CADPS2: variants seen among roughly 807,000 people sequenced by gnomAD.
The protein encoded by CADPS2 is calcium-dependent secretion activator 2.
A neutral mutation model predicts 172.5 loss-of-function variants in CADPS2; 93 were observed. The ratio of observed to expected loss-of-function variants is 0.54; its 90% CI spans 0.46 to 0.64. The LOEUF (loss-of-function observed/expected upper bound fraction) is 0.64. CADPS2 is among the 30% of genes least tolerant of loss of function. CADPS2 has a pLI of 0.00. For synonymous variants in CADPS2, 546 were observed against 555.2 expected (o/e 0.98, Z 0.23); for missense variants, 1,420 against 1,565.9 (o/e 0.91, Z 1.57).
chr7:122,814,707 C>CT (rs1389530096), intron 1 of CADPS2, among the ~76,000 whole-genome samples: 1 of 152,038 alleles, frequency 6.6e-6, no homozygotes. Context: ...CCATGTGGCC[C>CT]TTTACAAAAA....
intron 1 of CADPS2, among the ~76,000 whole-genome samples, chr7:122,763,057 G>C (rs2093441235): frequency 6.6e-6 from 1 of 152,076 alleles, no homozygotes; most frequent in African/African-American, 2.4e-5. Context: ...TCTTGGATAT[G>C]ATCAACTTTG....
In CADPS2 at chr7:122,319,506, T is replaced by C. The variant is rs1325435681; in HGVS notation, c.*659A>G. 6.6e-6 allele frequency: 1 copy of C among 152,150 alleles called. No homozygotes were observed. The highest frequency in any genetic ancestry group is 1.5e-5 in the Non-Finnish European group (1 of 68,034). The allele number at this position is 152,150 out of a possible 1,614,324, so 9.4% of individuals were successfully genotyped here. ...CCCCACACCTGGGGATTACTTATAG[T>C]TGAAAGAAGAAATGTTGAGAATGGA... is the stretch of plus-strand genomic sequence containing the variant. On this transcript the variant is annotated 3_prime_UTR_variant, in exon 30 of 30. Coordinates refer to ENST00000449022, the MANE Select transcript of CADPS2 (RefSeq NM_017954.11).
rs531049817 is a variant in CADPS2 at position 122,441,524 on chromosome 7, T to C, written c.2340A>G (p.Ser780=). 5 of 1,531,532 alleles carry C rather than the reference T, an allele frequency of 3.3e-6. No homozygotes were observed. The highest frequency in any genetic ancestry group is 1.7e-4 in the Middle Eastern group (1 of 5,860). 94.9% of individuals were successfully genotyped at this position (1,531,532 alleles called of 1,614,324 possible). A position where few individuals can be genotyped will look rare whatever the true frequency, so the allele number is the denominator to read the frequency against. ...TGTTCAAACATACCCTTTCAAGTAA[T>C]GAAAGTGTAGCTTTTAGAGCACCTT... ...RPEGALKATL[S]LLERVLMKDI... The change falls in exon 16 of 30, where the codon TCA becomes TCG. Residue 780 remains serine, a synonymous_variant. Transcript: ENST00000449022.
intron 28 of CADPS2, among the ~76,000 whole-genome samples, chr7:122,343,734 T>C (rs2037139837): frequency 6.6e-6 from 1 of 152,172 alleles, no homozygotes; most frequent in Non-Finnish European, 1.5e-5. Context: ...AGAAACATAA[T>C]GGGAATAACA....
At chr7:122,866,989 T>A (rs1186452618) in intron 1 of CADPS2, among the ~76,000 whole-genome samples, 1 of 152,146 alleles carries the variant, frequency 6.6e-6, no homozygotes, top group Non-Finnish European at 1.5e-5. Flanking sequence ...TAGGAAAAGC[T>A]TATTCTATTC....
chr7:122,658,935 C>T (rs1180724085), intron 3 of CADPS2, among the ~76,000 whole-genome samples: 2 of 151,812 alleles, frequency 1.3e-5, no homozygotes, highest in Non-Finnish European at 2.9e-5. Flanking sequence ...AAAAGTTTCT[C>T]GTACTTATGG....
chr7:122,438,554 A>G (rs2050954884), intron 16 of CADPS2, 90 bp from the exon 17 acceptor site: 2 of 1,419,228 alleles, frequency 1.4e-6, no homozygotes, highest in East Asian at 4.9e-5. Context: ...AATAAATACT[A>G]AAGACAAATT....
chr7:122,529,802 T>C (rs2061602995), intron 8 of CADPS2, among the ~76,000 whole-genome samples: 1 of 152,094 alleles, frequency 6.6e-6, no homozygotes, highest in Non-Finnish European at 1.5e-5. Context: ...GGGTATGAGG[T>C]TTGATTCAAT....
chr7:122,491,977 C>T (rs995327246), intron 9 of CADPS2, among the ~76,000 whole-genome samples: 4 of 152,076 alleles, frequency 2.6e-5, no homozygotes, highest in Non-Finnish European at 1.5e-5. Flanking sequence ...TCGAGACCAT[C>T]GTGTCTAACA....
intron 9 of CADPS2, among the ~76,000 whole-genome samples, chr7:122,496,392 A>C (rs2058732969): frequency 6.6e-6 from 1 of 152,162 alleles, no homozygotes; most frequent in African/African-American, 2.4e-5. Context: ...TCAAGTCCTG[A>C]CTTCCAGTAA....
intron 6 of CADPS2, among the ~76,000 whole-genome samples, chr7:122,606,173 C>G (rs959542740): frequency 6.6e-6 from 1 of 152,096 alleles, no homozygotes; most frequent in Non-Finnish European, 1.5e-5. Flanking sequence ...GCCTTTTGAA[C>G]GGTACCCTGG....
intron 24 of CADPS2, among the ~76,000 whole-genome samples, chr7:122,381,719 T>C (rs915633574): frequency 6.6e-6 from 1 of 151,862 alleles, no homozygotes; most frequent in Non-Finnish European, 1.5e-5. Context: ...ATACCTGATC[T>C]AGCCATAAGC....
At chr7:122,427,436 A>ATAATTTTG (rs1453998219) in intron 17 of CADPS2, 1 of 152,212 alleles carries the variant, frequency 6.6e-6, no homozygotes, top group Non-Finnish European at 1.5e-5. Context: ...GATAATTACA[A>ATAATTTTG]TAAAGAGTAC....
intron 9 of CADPS2, among the ~76,000 whole-genome samples, chr7:122,510,609 T>C (rs898022541): frequency 2.0e-5 from 3 of 152,154 alleles, no homozygotes; most frequent in African/African-American, 7.2e-5. Context: ...CAAGTGGTGA[T>C]GAGATTCACA....
At position 122,616,216 on chromosome 7, in the gene CADPS2, C is replaced by A. The variant is rs539270550; in HGVS notation, c.1105-917G>T. Among the ~76,000 whole-genome samples, 4 of 152,108 alleles carry A rather than the reference C, an allele frequency of 2.6e-5. 1 individual carries two copies. In the East Asian group the frequency reaches 7.7e-4, roughly 29 times the overall value. On this transcript the variant is annotated intron_variant, in intron 5 of 29. Coordinates refer to ENST00000449022, the MANE Select transcript of CADPS2 (RefSeq NM_017954.11). ...ATTAAAATGCATTTTTATATATGTACATTGATGTCTTAATTGATCCCATGT... is the reference window on the plus strand; with the variant it reads ...ATTAAAATGCATTTTTATATATGTAAATTGATGTCTTAATTGATCCCATGT...
intron 6 of CADPS2, among the ~76,000 whole-genome samples, chr7:122,610,220 C>T (rs370571468): frequency 1.3e-5 from 2 of 151,592 alleles, no homozygotes; most frequent in African/African-American, 4.8e-5. Flanking sequence ...TTTTAGTTCA[C>T]TTATATTGTT....
At chr7:122,573,352 G>A (rs530636129) in intron 7 of CADPS2, among the ~76,000 whole-genome samples, 6 of 152,006 alleles carry the variant, frequency 3.9e-5, no homozygotes, top group South Asian at 2.1e-4. Context: ...GACCAGCCTC[G>A]AAACATTGTG....
At chr7:122,544,424 C>T (rs1004788609) in intron 8 of CADPS2, among the ~76,000 whole-genome samples, 7 of 152,234 alleles carry the variant, frequency 4.6e-5, no homozygotes, top group South Asian at 2.1e-4. Flanking sequence ...CCTAAAACCT[C>T]GTGACTTAAA....
chr7:122,713,062 T>A (rs1297642789), intron 2 of CADPS2, among the ~76,000 whole-genome samples: 1 of 152,072 alleles, frequency 6.6e-6, no homozygotes, highest in African/African-American at 2.4e-5. Context: ...AGTTCTGATA[T>A]CCTAAGTTAT....
Sources: allele counts gnomAD v4.1 joint callset (sites outside exome capture counted in the v4.1 genomes callset), GRCh38; gene constraint gnomAD v4.1.1; transcripts MANE v1.5; gene names NCBI Gene and HGNC (gene_info 2026-07-23, HGNC 2026-07-21).